The following PTPRD variants were observed in gnomAD, a reference collection of about 807,000 sequenced individuals.
The protein encoded by PTPRD is protein tyrosine phosphatase receptor type D.
Under a neutral mutation model 214.5 loss-of-function variants are expected in PTPRD, and 34 were observed. The observed-to-expected ratio is 0.16, with a 90% CI of 0.12 to 0.21. The LOEUF (loss-of-function observed/expected upper bound fraction) is 0.21. Ranked by LOEUF, PTPRD falls within the 10% of genes least tolerant of loss-of-function variation. The pLI, the probability that PTPRD is intolerant of heterozygous loss-of-function variation, is 1.00. For missense variants in PTPRD, 2,545 were observed against 2,398.7 expected (o/e 1.06, Z -1.27); for synonymous variants, 1,128 against 845.7 (o/e 1.33, Z -5.79).
intron 2 of PTPRD, among the ~76,000 whole-genome samples, chr9:10,531,714 A>G (rs1235688708): frequency 6.6e-6 from 1 of 152,178 alleles, no homozygotes; most frequent in African/African-American, 2.4e-5. Flanking sequence ...CCATGGCTCA[A>G]CTGGGTGCAA....
chr9:8,865,721 C>G (rs764706256), intron 11 of PTPRD, among the ~76,000 whole-genome samples: 3 of 152,072 alleles, frequency 2.0e-5, no homozygotes, highest in Non-Finnish European at 4.4e-5. Flanking sequence ...ATAGCATGTG[C>G]TTAGATACCA....
chr9:9,140,231 C>T (rs1418383511), intron 10 of PTPRD, among the ~76,000 whole-genome samples: 1 of 151,736 alleles, frequency 6.6e-6, no homozygotes, highest in Non-Finnish European at 1.5e-5. Flanking sequence ...AAAGAAAAAG[C>T]CCTGTTTGGC....
In PTPRD at chr9:10,523,622, T is replaced by TATATAGAGAGAGAGAGAG. The variant is rs554367559; in HGVS notation, c.-600+88775_-600+88776insCTCTCTCTCTCTCTATAT. On this transcript the variant is annotated intron_variant, in intron 2 of 45. Coordinates refer to ENST00000381196, the MANE Select transcript of PTPRD (RefSeq NM_002839.4). ...ATCTGTATATATATATATATATATA[T>TATATAGAGAGAGAGAGAG]AGACAGAAAGAAAGGGAGAGAGAGA... is the stretch of plus-strand genomic sequence containing the variant. Among the ~76,000 whole-genome samples the TATATAGAGAGAGAGAGAG allele has an allele frequency of 1.4e-4, 18 of 131,384 alleles. 1 individual carries two copies. Among genetic ancestry groups the TATATAGAGAGAGAGAGAG allele is most frequent in the African/African-American group, 4.5e-4 (16 of 35,616 alleles). 86.2% of individuals were successfully genotyped at this position (131,384 alleles called of 152,430 possible).
At chr9:9,905,007 A>C (rs2077220333) in intron 5 of PTPRD, among the ~76,000 whole-genome samples, 2 of 152,030 alleles carry the variant, frequency 1.3e-5, no homozygotes. Flanking sequence ...CTAAATATGC[A>C]AATCAGTGAG....
chr9:10,139,340 CAAGTAG>C (rs1420611866), intron 3 of PTPRD, among the ~76,000 whole-genome samples: 1 of 151,532 alleles, frequency 6.6e-6, no homozygotes, highest in Admixed American at 6.6e-5. Context: ...AAAAACTCTA[CAAGTAG>C]AATTACAAAA....
chr9:9,525,776 T>A (rs2073984508), intron 8 of PTPRD, among the ~76,000 whole-genome samples: 1 of 152,100 alleles, frequency 6.6e-6, no homozygotes, highest in African/African-American at 2.4e-5. Flanking sequence ...CTAATATTAG[T>A]AGGTATTCAT....
chr9:10,173,134 A>C (rs1170435592), intron 3 of PTPRD, among the ~76,000 whole-genome samples: 3 of 152,204 alleles, frequency 2.0e-5, no homozygotes, highest in Non-Finnish European at 2.9e-5. Context: ...CAGATGGCAG[A>C]ATCATATATC....
At chr9:9,933,772 T>G (rs1453130766) in intron 5 of PTPRD, among the ~76,000 whole-genome samples, 2 of 149,180 alleles carry the variant, frequency 1.3e-5, no homozygotes, top group African/African-American at 5.2e-5. Flanking sequence ...CAACAGAATA[T>G]ACATTTTTTT....
chr9:9,463,675 C>G (rs1479198568), intron 8 of PTPRD, among the ~76,000 whole-genome samples: 1 of 151,784 alleles, frequency 6.6e-6, no homozygotes, highest in Non-Finnish European at 1.5e-5. Flanking sequence ...GGTACATATG[C>G]ATGTTTTTTT....
chr9:9,959,741 A>C (rs897509677), intron 4 of PTPRD, among the ~76,000 whole-genome samples: 1 of 152,328 alleles, frequency 6.6e-6, no homozygotes, highest in East Asian at 1.9e-4. Flanking sequence ...TGATACTGCT[A>C]CATGAATGTA....
At chr9:10,604,337 T>C (rs73642026) in intron 2 of PTPRD, among the ~76,000 whole-genome samples, 6,764 of 151,964 alleles carry the variant, frequency 0.045, 250 homozygotes, top group African/African-American at 0.098. Flanking sequence ...AATGCACTGA[T>C]GTAATACTTC....
At chr9:10,533,506 T>C (rs947634398) in intron 2 of PTPRD, among the ~76,000 whole-genome samples, 5 of 150,920 alleles carry the variant, frequency 3.3e-5, no homozygotes, top group African/African-American at 4.8e-5. Context: ...TTATTTCCAT[T>C]GTATTGAAAT....
chr9:9,128,184 G>A (rs1405438011), intron 10 of PTPRD, among the ~76,000 whole-genome samples: 1 of 152,074 alleles, frequency 6.6e-6, no homozygotes, highest in Non-Finnish European at 1.5e-5. Context: ...TGATGCTTTG[G>A]CTATTTAATT....
chr9:9,850,269 G>C (rs1037193375), intron 5 of PTPRD, among the ~76,000 whole-genome samples: 5 of 152,130 alleles, frequency 3.3e-5, no homozygotes, highest in Admixed American at 3.3e-4. Flanking sequence ...TAAACTTGAG[G>C]CTTGGGAGAT....
chr9:9,930,859 T>C (rs1271052017), intron 5 of PTPRD, among the ~76,000 whole-genome samples: 4 of 152,130 alleles, frequency 2.6e-5, no homozygotes, highest in African/African-American at 9.7e-5. Flanking sequence ...TCTGTATGGT[T>C]ACCCTTGAAG....
At chr9:9,647,707 T>C (rs2154370621) in intron 7 of PTPRD, among the ~76,000 whole-genome samples, 1 of 152,366 alleles carries the variant, frequency 6.6e-6, no homozygotes, top group East Asian at 1.9e-4. Flanking sequence ...TTCTAATTTC[T>C]TGTTCAGCCT....
intron 2 of PTPRD, among the ~76,000 whole-genome samples, chr9:10,514,282 T>C (rs71501070): frequency 1.3e-5 from 2 of 151,850 alleles, no homozygotes; most frequent in Non-Finnish European, 2.9e-5. Flanking sequence ...TATGTATTTT[T>C]TTTTATAAAC....
At chr9:10,014,526 C>G (rs1261583451) in intron 4 of PTPRD, among the ~76,000 whole-genome samples, 3 of 151,930 alleles carry the variant, frequency 2.0e-5, no homozygotes. Flanking sequence ...TGTATTCACT[C>G]TAGAAATAAT....
intron 10 of PTPRD, among the ~76,000 whole-genome samples, chr9:9,157,768 T>C (rs1459741018): frequency 6.6e-6 from 1 of 152,226 alleles, no homozygotes; most frequent in Non-Finnish European, 1.5e-5. Context: ...TGCAGGTTTG[T>C]TACGTAGGTA....
Sources: allele counts gnomAD v4.1 joint callset (sites outside exome capture counted in the v4.1 genomes callset), GRCh38; gene constraint gnomAD v4.1.1; transcripts MANE v1.5; gene names NCBI Gene and HGNC (gene_info 2026-07-23, HGNC 2026-07-21).